The following MRPS10 variants were observed in gnomAD, a reference collection of about 807,000 sequenced individuals.
MRPS10 encodes mitochondrial ribosomal protein S10, also known as small ribosomal subunit protein uS10m.
In MRPS10, 23 loss-of-function variants were observed where a neutral mutation model predicts 27.5. The ratio of observed to expected loss-of-function variants is 0.84; its 90% confidence interval spans 0.60 to 1.18. The LOEUF (loss-of-function observed/expected upper bound fraction) is 1.18. Among genes scored for constraint, MRPS10 ranks in the 50% most tolerant of loss-of-function variants. MRPS10 has a pLI of 0.00. For missense variants in MRPS10, 237 were observed against 240.1 expected, an observed-to-expected ratio of 0.99 and a Z score of 0.09; for synonymous variants, 88 against 84.2, an observed-to-expected ratio of 1.04 and a Z score of -0.25.
At chr6:42,211,076 G>A (rs1376641494) in intron 4 of MRPS10, among the ~76,000 whole-genome samples, 1 of 152,192 alleles carries the variant, frequency 6.6e-6, no homozygotes, top group African/African-American at 2.4e-5. Context: ...ATGGGGCCTC[G>A]TTCAACAGCA....
intron 1 of MRPS10, among the ~76,000 whole-genome samples, chr6:42,215,313 C>T (rs957452109): frequency 2.3e-5 from 3 of 128,226 alleles, no homozygotes; most frequent in African/African-American, 9.0e-5. Context: ...TCGCTTGAAC[C>T]CGGGAGGCGG....
Position 42,208,886 on chromosome 6 carries a change from G to A in MRPS10, c.494C>T (p.Pro165Leu), listed in dbSNP as rs779762278. The A allele has an allele frequency of 6.8e-6, 11 of 1,611,508 alleles. No homozygotes were observed. In the East Asian group the frequency reaches 2.5e-4, roughly 36 times the overall value. The change falls in exon 6 of 7, where the codon CCT becomes CTT. Residue 165 changes from proline (P) to leucine (L), a missense_variant. Coordinates refer to ENST00000053468, the MANE Select transcript of MRPS10 (RefSeq NM_018141.4). Reference sequence around the variant, plus strand: ...TGTTACTTCCATGGCAACCCCTTCAGGTAAGTTTCGCTGAATATATTCCAA... The same window carrying A: ...TGTTACTTCCATGGCAACCCCTTCAAGTAAGTTTCGCTGAATATATTCCAA... ...VYLEYIQRNL[P>L]EGVAMEVTKT...
chr6:42,207,228 T>G lies in MRPS10; in HGVS notation c.*1061A>C, dbSNP rs958505917. 1 of 151,524 alleles carries G rather than the reference T, an allele frequency of 6.6e-6. No homozygotes were observed. Among genetic ancestry groups the G allele is most frequent in the Admixed American group, 6.6e-5 (1 of 15,202 alleles). 9.4% of individuals were successfully genotyped at this position (151,524 alleles called of 1,614,324 possible). On this transcript the variant is annotated 3_prime_UTR_variant, in exon 7 of 7. Transcript: ENST00000053468. The stretch of plus-strand genomic sequence containing the variant: ...TACCTATGCTTTGCACAATTTTCTT[T>G]TTTTTTTTTTGAGACGGCGTCTCGC...
chr6:42,208,363 C>T lies in MRPS10; in HGVS notation c.532G>A (p.Glu178Lys). 6.3e-7 allele frequency: 1 copy of T among 1,597,846 alleles called. No individual in the cohort carries two copies. Among genetic ancestry groups the T allele is most frequent in the East Asian group, 2.2e-5 (1 of 44,694 alleles). ...TCCTTGATGTGTTCTGGTAACTGTTCTAATTGTGTCTAAAAAAAGAAAGAA... is the reference window on the plus strand; with the variant it reads ...TCCTTGATGTGTTCTGGTAACTGTTTTAATTGTGTCTAAAAAAAGAAAGAA... The part of the protein sequence containing the change: ...VAMEVTKTQL[E>K]QLPEHIKEPI... The change falls in exon 7 of 7, where the codon GAA (glutamate) becomes AAA (lysine). Residue 178 changes from glutamate to lysine, a missense_variant. By Grantham distance (56) the Glu-to-Lys change is moderately conservative (BLOSUM62 1). Transcript: ENST00000053468.
chr6:42,210,709 C>A, intron 4 of MRPS10, 113 bp from the exon 5 acceptor site: 1 of 1,413,596 alleles, frequency 7.1e-7, no homozygotes, highest in Non-Finnish European at 9.5e-7. Flanking sequence ...CATTTACAGA[C>A]TTCCATTTGC....
chr6:42,217,664 T>C, intron 1 of MRPS10, 138 bp downstream of exon 1: 8 of 777,160 alleles, frequency 1.0e-5, no homozygotes, highest in Non-Finnish European at 1.7e-5. Flanking sequence ...AGCCCCTTTC[T>C]CGTCACTTTC....
At chr6:42,213,811 A>G (rs975533710) in intron 3 of MRPS10, among the ~76,000 whole-genome samples, 1 of 152,266 alleles carries the variant, frequency 6.6e-6, no homozygotes, top group Non-Finnish European at 1.5e-5. Context: ...ATACTTTTCC[A>G]TAACATAAAT....
chr6:42,206,895 C>T lies in MRPS10; in HGVS notation c.*1394G>A, dbSNP rs1331720392. On this transcript the variant is annotated 3_prime_UTR_variant, in exon 7 of 7. Transcript: ENST00000053468. ...GCAGTATGTATTCAACACACTGATA[C>T]CTGATAGCATGTCAGGAAAAAAGAA... is the stretch of plus-strand genomic sequence containing the variant. The T allele has an allele frequency of 2.0e-5, 3 of 152,058 alleles. No homozygotes were observed. The highest frequency in any genetic ancestry group is 4.8e-5 in the African/African-American group (2 of 41,402). The allele number at this position is 152,058 out of a possible 1,614,324, so 9.4% of individuals were successfully genotyped here. A position where few individuals can be genotyped will look rare whatever the true frequency, so the allele number is the denominator to read the frequency against.
intron 5 of MRPS10, 113 bp from the exon 6 acceptor site, chr6:42,209,060 A>G: frequency 1.5e-6 from 1 of 650,892 alleles, no homozygotes. Context: ...AGTGTGTGCA[A>G]TCTCAGCTCA....
intron 1 of MRPS10, among the ~76,000 whole-genome samples, chr6:42,216,026 C>CTTTTTTTTTTTTTTTTTTTTTTTTTT (rs34985131): frequency 7.0e-5 from 4 of 56,976 alleles, no homozygotes; most frequent in Admixed American, 2.3e-4. Context: ...TTTTTCTTTT[C>CTTTTTTTTTTTTTTTTTTTTTTTTTT]TTTTTTTTTT....
chr6:42,212,312 A>G (rs1310066201), intron 3 of MRPS10, among the ~76,000 whole-genome samples: 2 of 152,240 alleles, frequency 1.3e-5, no homozygotes, highest in African/African-American at 2.4e-5. Context: ...GACAAATCAT[A>G]TCGTCTCACT....
intron 4 of MRPS10, 68 bp downstream of exon 4, chr6:42,211,713 G>A: frequency 2.5e-6 from 3 of 1,222,244 alleles, no homozygotes; most frequent in South Asian, 1.4e-5. Flanking sequence ...TTCCTGGGAT[G>A]AGCACTATTT....
intron 1 of MRPS10, among the ~76,000 whole-genome samples, chr6:42,215,473 G>A (rs1238795775): frequency 1.3e-5 from 2 of 151,416 alleles, no homozygotes; most frequent in East Asian, 3.9e-4. Flanking sequence ...GTCTCACTCT[G>A]TTATCCAGGC....
rs1171690954 is a variant in MRPS10, at chr6:42,214,149, C to T, written c.157G>A (p.Asp53Asn). ...KWVQFSNLHV[D>N]VPKDLTKPVV... is the part of the protein sequence containing the mutation. ...GGTTTGGTCAAATCCTTTGGAACAT[C>T]AACGTGTAGGTTTGAAAACTGTACC... is the stretch of plus-strand genomic sequence containing the variant. The change falls in exon 3 of 7, where the codon GAT becomes AAT. Residue 53 changes from aspartate to asparagine, a missense_variant. Coordinates refer to ENST00000053468, the MANE Select transcript of MRPS10 (RefSeq NM_018141.4). 12 of 1,613,010 alleles carry T rather than the reference C, an allele frequency of 7.4e-6. No individual in the cohort carries two copies. The highest frequency in any genetic ancestry group is 1.3e-5 in the African/African-American group (1 of 74,972).
rs1245847865 is a variant in MRPS10 at position 42,208,904 on chromosome 6, T to C, written c.476A>G (p.Tyr159Cys). Residue 159 changes from tyrosine (Y) to cysteine (C), a missense_variant, in exon 6 of 7, where the codon TAT becomes TGT. Coordinates refer to ENST00000053468, the MANE Select transcript of MRPS10 (RefSeq NM_018141.4). ...CCCTTCAGGTAAGTTTCGCTGAATA[T>C]ATTCCAAGTAGACATCTGCTGTGCT... ...TGSTADVYLE[Y>C]IQRNLPEGVA... 6.2e-7 allele frequency: 1 copy of C among 1,612,388 alleles called. No homozygotes were observed. The highest frequency in any genetic ancestry group is 2.2e-5 in the East Asian group (1 of 44,808).
chr6:42,216,385 A>AGAGAGAGAGAGAGAGAGGGTGTGTGT, intron 1 of MRPS10, among the ~76,000 whole-genome samples: 1 of 58,642 alleles, frequency 1.7e-5, no homozygotes, highest in Non-Finnish European at 4.0e-5. Flanking sequence ...AGAGAGAGAG[A>AGAGAGAGAGAGAGAGAGGGTGTGTGT]GTGTGTGTGT....
Position 42,208,817 on chromosome 6 carries a change from C to T in MRPS10, c.522+41G>A, listed in dbSNP as rs6936173. 1.8e-3 allele frequency: 2,301 copies of T among 1,312,480 alleles called. 37 individuals carry two copies. The African/African-American group carries it at 0.031, about 18-fold the overall frequency. The allele number at this position is 1,312,480 out of a possible 1,614,324, so 81.3% of individuals were successfully genotyped here. On this transcript the variant is annotated intron_variant, in intron 6 of 6. Coordinates refer to ENST00000053468, the MANE Select transcript of MRPS10 (RefSeq NM_018141.4). ...TCAAAACAACAATACAGATACCACT[C>T]CCCACCGCCCCACCGAAAGAGGCAG... is the stretch of plus-strand genomic sequence containing the variant.
At position 42,215,257 on chromosome 6, in the gene MRPS10, C is replaced by T. The variant is rs142661036; in HGVS notation, c.49-913G>A. 7.5e-3 allele frequency among the ~76,000 whole-genome samples: 1,102 copies of T among 147,586 alleles called. 10 individuals are homozygous for T. The highest frequency in any genetic ancestry group is 0.026 in the African/African-American group (1,039 of 40,168). ...TACAAAAATTAGCCAGGCATGGTGG[C>T]GGTGCGGTTGTGATCCTAGTTACTT... On this transcript the variant is annotated intron_variant, in intron 1 of 6. Transcript: ENST00000053468.
intron 1 of MRPS10, among the ~76,000 whole-genome samples, chr6:42,216,624 G>T (rs931374140): frequency 1.3e-5 from 2 of 151,290 alleles, no homozygotes; most frequent in African/African-American, 4.8e-5. Context: ...CAGCCTGACC[G>T]ACATGGTGAA....
Sources: allele counts gnomAD v4.1 joint callset (sites outside exome capture counted in the v4.1 genomes callset), GRCh38; gene constraint gnomAD v4.1.1; transcripts MANE v1.5; gene names NCBI Gene and HGNC (gene_info 2026-07-23, HGNC 2026-07-21).